EDEM2: variants seen among roughly 807,000 people sequenced by gnomAD.
The protein encoded by EDEM2 is ER degradation enhancing alpha-mannosidase like protein 2, also known as ER degradation-enhancing alpha-mannosidase-like protein 2.
A neutral mutation model predicts 64.8 loss-of-function variants in EDEM2; 39 were observed. That is an observed-to-expected ratio of 0.60 (90% CI 0.47 to 0.79). The LOEUF is 0.79. EDEM2 is among the 30% of genes least tolerant of loss of function. The probability of loss-of-function intolerance (pLI) is 0.00; values close to 1 mark genes in which losing one functional copy is unlikely to be tolerated. For synonymous variants in EDEM2, 296 were observed against 291.5 expected (o/e 1.02, Z -0.16); for missense variants, 609 against 731.3 (o/e 0.83, Z 1.93).
intron 7 of EDEM2, among the ~76,000 whole-genome samples, chr20:35,128,225 AC>A (rs2085461170): frequency 6.6e-6 from 1 of 151,944 alleles, no homozygotes; most frequent in Non-Finnish European, 1.5e-5. Context: ...TACTAAAAAT[AC>A]AAAAAAATTA....
Position 35,126,312 on chromosome 20 carries a change from T to C in EDEM2, c.908A>G (p.Tyr303Cys). The change falls in exon 8 of 11, where the codon TAC becomes TGC. Residue 303 changes from tyrosine to cysteine, a missense_variant. Transcript: ENST00000374492. ...FDDWYLWVQM[Y>C]KGTVSMPVFQ... ...GACTGGCATGGACACAGTCCCCTTG[T>C]ACATCTGAACCCACAGGTACCAGTC... 6.2e-7 allele frequency: 1 copy of C among 1,614,148 alleles called. No individual in the cohort carries two copies. The highest frequency in any genetic ancestry group is 8.5e-7 in the Non-Finnish European group (1 of 1,180,040).
intron 2 of EDEM2, among the ~76,000 whole-genome samples, chr20:35,145,749 T>C (rs990280884): frequency 4.6e-4 from 70 of 152,306 alleles, no homozygotes; most frequent in African/African-American, 1.6e-3. Flanking sequence ...GGCTCATGCC[T>C]GTAATCCGCC....
At chr20:35,121,544 G>A (rs777499412) in intron 9 of EDEM2, among the ~76,000 whole-genome samples, 12 of 152,174 alleles carry the variant, frequency 7.9e-5, no homozygotes, top group Admixed American at 1.3e-4. Context: ...CGGCCTGGGG[G>A]TTGGGGAATC....
At chr20:35,117,369 G>A (rs529796902) in intron 10 of EDEM2, among the ~76,000 whole-genome samples, 3 of 152,072 alleles carry the variant, frequency 2.0e-5, no homozygotes, top group Non-Finnish European at 4.4e-5. Context: ...CTCAAATATG[G>A]TCTTGATGTA....
intron 9 of EDEM2, among the ~76,000 whole-genome samples, chr20:35,120,584 C>CG (rs1045793390): frequency 2.1e-5 from 3 of 142,914 alleles, no homozygotes; most frequent in African/African-American, 7.7e-5. Flanking sequence ...CTTCTTTTTT[C>CG]GGCTTCTTCT....
At chr20:35,124,386 C>A (rs183407227) in intron 8 of EDEM2, among the ~76,000 whole-genome samples, 1 of 152,222 alleles carries the variant, frequency 6.6e-6, no homozygotes, top group African/African-American at 2.4e-5. Context: ...CACACCACAC[C>A]CCCAAAAGAT....
chr20:35,141,119 C>CAAAA (rs58702725), intron 4 of EDEM2, among the ~76,000 whole-genome samples: 7 of 29,376 alleles, frequency 2.4e-4, no homozygotes, highest in Admixed American at 5.1e-4. Flanking sequence ...GACTCCGCCT[C>CAAAA]AAAAAAAAAA....
At chr20:35,145,345 TCA>T (rs1177017255) in intron 2 of EDEM2, among the ~76,000 whole-genome samples, 1 of 152,200 alleles carries the variant, frequency 6.6e-6, no homozygotes, top group African/African-American at 2.4e-5. Context: ...GGAATTTAAT[TCA>T]CAGTGAACAG....
At chr20:35,123,233 C>T (rs1600703116) in intron 9 of EDEM2, among the ~76,000 whole-genome samples, 1 of 152,164 alleles carries the variant, frequency 6.6e-6, no homozygotes, top group Non-Finnish European at 1.5e-5. Flanking sequence ...CTTCTGAAAT[C>T]CTGATGGCAG....
intron 9 of EDEM2, among the ~76,000 whole-genome samples, chr20:35,122,278 G>A (rs567404100): frequency 2.6e-5 from 4 of 152,302 alleles, no homozygotes; most frequent in African/African-American, 9.6e-5. Context: ...CTAAGATTGT[G>A]CAAGCCTATG....
chr20:35,139,122 G>A (rs1315910543), intron 4 of EDEM2, among the ~76,000 whole-genome samples: 1 of 152,074 alleles, frequency 6.6e-6, no homozygotes, highest in Admixed American at 6.6e-5. Flanking sequence ...GGGAGCCGAG[G>A]TGGAGATCAC....
chr20:35,134,802 A>T lies in EDEM2; in HGVS notation c.638T>A (p.Val213Glu), dbSNP rs1392337864. Residue 213 changes from valine (V) to glutamate (E), a missense_variant, in exon 6 of 11, where the codon GTG becomes GAG. Coordinates refer to ENST00000374492, the MANE Select transcript of EDEM2 (RefSeq NM_018217.3). ...AGCCACTCTGGCCACATCTTCGAAC[A>T]CCGGGTCACCAGTGAGGCTGCTCAG... is the stretch of plus-strand genomic sequence containing the variant. ...ATLSSLTGDP[V>E]FEDVARVALM... is the part of the protein sequence containing the mutation. The T allele has an allele frequency of 1.4e-5, 23 of 1,614,014 alleles. No homozygotes were observed. The highest frequency in any genetic ancestry group is 1.9e-5 in the Non-Finnish European group (23 of 1,180,020).
chr20:35,147,156 A>T lies in EDEM2; in HGVS notation c.103T>A (p.Tyr35Asn). The T allele has an allele frequency of 6.2e-7, 1 of 1,601,586 alleles. No individual in the cohort carries two copies. Among genetic ancestry groups the T allele is most frequent in the Non-Finnish European group, 8.5e-7 (1 of 1,172,340 alleles). ...AAAGGGCGGGTCACAGTTCACCTGT[A>T]GTGGGCGGGATCTGGCGCGGAGCCG... is the stretch of plus-strand genomic sequence containing the variant. ...PDGSAPDPAH[Y>N]RERVKAMFYH... The change falls in exon 1 of 11, where the codon TAC (tyrosine) becomes AAC (asparagine). Residue 35 changes from tyrosine (Y) to asparagine (N), a missense_variant. Transcript: ENST00000374492.
At chr20:35,123,752 C>T in intron 9 of EDEM2, 138 bp downstream of exon 9, 1 of 1,118,776 alleles carries the variant, frequency 8.9e-7, no homozygotes, top group Non-Finnish European at 1.2e-6. Context: ...GTAAGAAAAC[C>T]ACCCAGAGCC....
intron 5 of EDEM2, among the ~76,000 whole-genome samples, chr20:35,137,302 C>T (rs942441979): frequency 6.6e-6 from 1 of 152,186 alleles, no homozygotes; most frequent in Non-Finnish European, 1.5e-5. Flanking sequence ...GCCTGTAATC[C>T]CAGCTACTCA....
intron 4 of EDEM2, among the ~76,000 whole-genome samples, chr20:35,141,905 T>G (rs1022537380): frequency 2.0e-5 from 3 of 152,312 alleles, no homozygotes; most frequent in Admixed American, 1.3e-4. Context: ...TCATTAAAAT[T>G]AAATGAAATT....
intron 5 of EDEM2, among the ~76,000 whole-genome samples, chr20:35,136,837 C>T (rs1308826135): frequency 1.3e-5 from 2 of 151,522 alleles, no homozygotes; most frequent in South Asian, 2.1e-4. Context: ...CACAGTGTGA[C>T]GTGTCTGGGT....
At chr20:35,131,423 C>A (rs551992366) in intron 7 of EDEM2, among the ~76,000 whole-genome samples, 1 of 152,006 alleles carries the variant, frequency 6.6e-6, no homozygotes, top group Non-Finnish European at 1.5e-5. Context: ...TGATGGTGTG[C>A]GCCTGTAGTC....
chr20:35,142,527 G>T, intron 3 of EDEM2, 49 bp from the exon 4 acceptor site: 1 of 1,417,904 alleles, frequency 7.1e-7, no homozygotes, highest in Non-Finnish European at 9.9e-7. Context: ...ATGCATGGAG[G>T]CAGATTCAGA....
Sources: allele counts gnomAD v4.1 joint callset (sites outside exome capture counted in the v4.1 genomes callset), GRCh38; gene constraint gnomAD v4.1.1; transcripts MANE v1.5; gene names NCBI Gene and HGNC (gene_info 2026-07-23, HGNC 2026-07-21).